The following STK32C variants were observed in gnomAD, a reference collection of about 807,000 sequenced individuals.
STK32C encodes the protein serine/threonine kinase 32C.
Under a neutral mutation model 56.5 loss-of-function variants are expected in STK32C, and 31 were observed. The observed-to-expected ratio is 0.55, with a 90% CI of 0.41 to 0.74. The LOEUF is 0.74. Among genes scored for constraint, STK32C ranks in the 30% least tolerant of loss-of-function variants. The pLI, the probability that STK32C is intolerant of heterozygous loss-of-function variation, is 0.00. For synonymous variants in STK32C, 309 were observed against 289.4 expected (o/e 1.07, Z -0.69); for missense variants, 544 against 676.9 (o/e 0.80, Z 2.18).
At position 132,216,828 on chromosome 10, in the gene STK32C, GA is replaced by G. The variant is rs529902219; in HGVS notation, c.1251+5812del. On this transcript the variant is annotated intron_variant, in intron 10 of 11. Transcript: ENST00000298630. ...GTGGTGTTGAGCCCGCAGGTGCACA[GA>G]AGTCAAGAATTGAGGTTTGGGAGCC... 9.7e-4 allele frequency among the ~76,000 whole-genome samples: 148 copies of G among 152,360 alleles called. 2 individuals are homozygous for G. Among genetic ancestry groups the G allele is most frequent in the African/African-American group, 3.2e-3 (132 of 41,602 alleles).
At chr10:132,311,030 G>A (rs1015393235), upstream of STK32C, among the ~76,000 whole-genome samples, 6 of 152,072 alleles carry the variant, frequency 3.9e-5, no homozygotes, top group Non-Finnish European at 7.4e-5. The surrounding 1 kb of genome is among the most constrained non-coding windows in gnomAD (Gnocchi z 4.4). Context: ...GTGGTTTGGG[G>A]GACAAGGTGC....
chr10:132,224,382 AGGAGGCTCAGGGAT>A lies in STK32C; in HGVS notation c.993+11_993+24del. On this transcript the variant is annotated intron_variant, in intron 8 of 11. Coordinates refer to ENST00000298630, the MANE Select transcript of STK32C (RefSeq NM_173575.4). ...GAGGGAGGTGGGTGCTCGGAGGGTG[AGGAGGCTCAGGGAT>A]GGGGGCTCACCTTCCGCAGCAAGGC... 6.6e-7 allele frequency: 1 copy of A among 1,519,764 alleles called. No homozygotes were observed. Among genetic ancestry groups the A allele is most frequent in the African/African-American group, 1.4e-5 (1 of 72,520 alleles). The allele number at this position is 1,519,764 out of a possible 1,614,324, so 94.1% of individuals were successfully genotyped here.
intron 1 of STK32C, among the ~76,000 whole-genome samples, chr10:132,304,291 TA>T (rs146259887): frequency 1.7e-4 from 25 of 150,732 alleles, no homozygotes; most frequent in South Asian, 4.2e-4. Context: ...AAGAGGGGCT[TA>T]AAAAAAAAGC....
intron 1 of STK32C, among the ~76,000 whole-genome samples, chr10:132,283,041 C>A (rs947065155): frequency 3.9e-5 from 6 of 152,230 alleles, no homozygotes; most frequent in African/African-American, 1.2e-4. Context: ...CCAAGGCGGA[C>A]CCCACTCCAT....
At chr10:132,330,693 T>TAA (rs1554887099) in intron 1 of STK32C, among the ~76,000 whole-genome samples, 74 of 144,448 alleles carry the variant, frequency 5.1e-4, no homozygotes, top group Admixed American at 2.5e-3. Flanking sequence ...TTTTTTTTTT[T>TAA]AATTTTTGTA....
At chr10:132,316,212 A>AG (rs1250203398) in intron 1 of STK32C, among the ~76,000 whole-genome samples, 1 of 152,196 alleles carries the variant, frequency 6.6e-6, no homozygotes, top group Non-Finnish European at 1.5e-5. Flanking sequence ...GTAAAAAAAA[A>AG]TTTAAAAAAT....
chr10:132,311,976 C>G (rs552460451), upstream of STK32C, among the ~76,000 whole-genome samples: 1 of 152,298 alleles, frequency 6.6e-6, no homozygotes, highest in South Asian at 2.1e-4. This position sits in a 1 kb window ranked among gnomAD's most constrained non-coding sequence, Gnocchi z 4.4. Flanking sequence ...AAGTCCCAAC[C>G]ATTACAGCAG....
At chr10:132,245,378 T>C (rs2063651496) in intron 2 of STK32C, among the ~76,000 whole-genome samples, 1 of 152,220 alleles carries the variant, frequency 6.6e-6, no homozygotes, top group African/African-American at 2.4e-5. Flanking sequence ...TCTCTAGATA[T>C]TACAAGGCGG....
intron 1 of STK32C, among the ~76,000 whole-genome samples, chr10:132,295,509 C>A (rs566210555): frequency 6.6e-6 from 1 of 152,214 alleles, no homozygotes; most frequent in East Asian, 1.9e-4. Context: ...TTACAACCAG[C>A]GTGTAAAATC....
At chr10:132,305,484 C>A (rs554077680) in intron 1 of STK32C, among the ~76,000 whole-genome samples, 11 of 152,144 alleles carry the variant, frequency 7.2e-5, no homozygotes, top group Non-Finnish European at 1.3e-4. Context: ...CCATAGCAAC[C>A]GTGCAGATTC....
At chr10:132,225,157 A>AC in intron 7 of STK32C, 76 bp downstream of exon 7, 1 of 1,252,640 alleles carries the variant, frequency 8.0e-7, no homozygotes, top group Non-Finnish European at 1.1e-6. Context: ...TGGGGCAGCC[A>AC]CCCCCTCCCC....
At chr10:132,209,220 C>T in intron 10 of STK32C, 119 bp from the exon 11 acceptor site, 3 of 936,894 alleles carry the variant, frequency 3.2e-6, no homozygotes. Context: ...GGATGACGGC[C>T]TCTGGGCTAT....
chr10:132,225,420 A>T, intron 6 of STK32C, 84 bp from the exon 7 acceptor site: 2 of 1,584,164 alleles, frequency 1.3e-6, no homozygotes, highest in Non-Finnish European at 1.7e-6. Flanking sequence ...TTGAGGCCAC[A>T]TCCCGAGACC....
intron 1 of STK32C, among the ~76,000 whole-genome samples, chr10:132,256,480 A>G (rs1431862951): frequency 1.3e-5 from 2 of 152,234 alleles, no homozygotes; most frequent in African/African-American, 4.8e-5. Flanking sequence ...GGGATCTGCC[A>G]TAAATGAGTG....
chr10:132,272,383 C>T (rs1022395310), intron 1 of STK32C, among the ~76,000 whole-genome samples: 2 of 152,212 alleles, frequency 1.3e-5, no homozygotes, highest in Non-Finnish European at 2.9e-5. Context: ...CTGTTGTTTA[C>T]GCCACCCACG....
At chr10:132,288,144 T>G (rs1162206861) in intron 1 of STK32C, among the ~76,000 whole-genome samples, 1 of 151,656 alleles carries the variant, frequency 6.6e-6, no homozygotes, top group Non-Finnish European at 1.5e-5. Context: ...CATAAAAACA[T>G]CCAGATTATA....
chr10:132,222,192 C>T (rs1229602530), intron 10 of STK32C, among the ~76,000 whole-genome samples: 1 of 150,022 alleles, frequency 6.7e-6, no homozygotes, highest in Non-Finnish European at 1.5e-5. Context: ...AGCCAGCACA[C>T]CTGGGCGAGT....
chr10:132,308,477 T>G (rs1171808124), upstream of STK32C, among the ~76,000 whole-genome samples: 1 of 151,014 alleles, frequency 6.6e-6, no homozygotes, highest in Admixed American at 6.6e-5. Flanking sequence ...GAGGCCGGGC[T>G]GCAGGCCCGG....
upstream of STK32C, among the ~76,000 whole-genome samples, chr10:132,312,584 A>C (rs532571127): frequency 8.3e-4 from 126 of 152,326 alleles, no homozygotes; most frequent in Admixed American, 2.3e-3. Context: ...ATCGGTCCCA[A>C]GTAAGTTCAA....
Sources: allele counts gnomAD v4.1 joint callset (sites outside exome capture counted in the v4.1 genomes callset), GRCh38; gene constraint gnomAD v4.1.1; non-coding constraint Gnocchi (gnomAD v3.1); transcripts MANE v1.5; gene names NCBI Gene and HGNC (gene_info 2026-07-23, HGNC 2026-07-21).